PKNOX1: variants seen among roughly 807,000 people sequenced by gnomAD.
PKNOX1 encodes PBX/knotted 1 homeobox 1.
A neutral mutation model predicts 51.9 loss-of-function variants in PKNOX1; 15 were observed. The ratio of observed to expected loss-of-function variants is 0.29; its 90% CI spans 0.19 to 0.45. PKNOX1 has a LOEUF of 0.45. PKNOX1 is among the 20% of genes least tolerant of loss of function. The pLI is 1.00. For synonymous variants in PKNOX1, 219 were observed against 211.1 expected (o/e 1.04, Z -0.32); for missense variants, 462 against 547.5 (o/e 0.84, Z 1.56).
chr21:43,018,469 G>GCCCCCCCCCCCCCCCCCCCC lies in PKNOX1; in HGVS notation c.720+241_720+242insCCCCCCCCCCCCCCCCCCCC, dbSNP rs1382698885. 1.8e-4 allele frequency among the ~76,000 whole-genome samples: 2 copies of GCCCCCCCCCCCCCCCCCCCC among 11,046 alleles called. 1 individual carries two copies. Among genetic ancestry groups the GCCCCCCCCCCCCCCCCCCCC allele is most frequent in the Non-Finnish European group, 3.8e-4 (2 of 5,284 alleles). The allele number at this position is 11,046 out of a possible 152,430, so 7.2% of individuals were successfully genotyped here. On this transcript the variant is annotated intron_variant, in intron 7 of 10. Coordinates refer to ENST00000291547, the MANE Select transcript of PKNOX1 (RefSeq NM_004571.5). The stretch of plus-strand genomic sequence containing the variant: ...AAAAAGTCACTCATAACCACCCCCT[G>GCCCCCCCCCCCCCCCCCCCC]CCACCCACACACACACACACACACA...
chr21:43,027,911 A>G lies in PKNOX1; in HGVS notation c.927-791A>G, dbSNP rs552315050. On this transcript the variant is annotated intron_variant, in intron 9 of 10. Coordinates refer to ENST00000291547, the MANE Select transcript of PKNOX1 (RefSeq NM_004571.5). ...AGCCTGTGCGACAGGGCGAGACTCCATCTCAAAAATACAGAAACAATGTCC... is the reference window on the plus strand; with the variant it reads ...AGCCTGTGCGACAGGGCGAGACTCCGTCTCAAAAATACAGAAACAATGTCC... 1.0e-4 allele frequency among the ~76,000 whole-genome samples: 15 copies of G among 149,976 alleles called. 1 individual carries two copies. The highest frequency in any genetic ancestry group is 3.4e-4 in the African/African-American group (14 of 40,660).
rs1184861365 is a variant in PKNOX1, at chr21:43,030,266, TGTGTGTGTGTGTGTGTGTGTGTGTGTGC to T, written c.*173_*200del. 2.6e-4 allele frequency: 2 copies of T among 7,678 alleles called. No individual in the cohort carries two copies. The highest frequency in any genetic ancestry group is 7.6e-4 in the Non-Finnish European group (2 of 2,642). The allele number at this position is 7,678 out of a possible 1,614,324, so 0.5% of individuals were successfully genotyped here. A position where few individuals can be genotyped will look rare whatever the true frequency, so the allele number is the denominator to read the frequency against. On this transcript the variant is annotated 3_prime_UTR_variant, in exon 11 of 11. Transcript: ENST00000291547. Reference sequence around the variant, plus strand: ...GGTGCAGCGACTTCTTTCAAGTGTGTGTGTGTGTGTGTGTGTGTGTGTGTGTGCGTGTGTGCGTGTGTGTGGATTTTTA... The same window carrying T: ...GGTGCAGCGACTTCTTTCAAGTGTGTGTGTGTGCGTGTGTGTGGATTTTTA...
chr21:43,023,931 T>C (rs947543662), intron 8 of PKNOX1, among the ~76,000 whole-genome samples: 23 of 150,606 alleles, frequency 1.5e-4, no homozygotes, highest in South Asian at 6.3e-4. Flanking sequence ...TTTTTTTTTT[T>C]CCCAGATGGC....
At chr21:42,983,537 A>G (rs1029321344) in intron 1 of PKNOX1, among the ~76,000 whole-genome samples, 10 of 152,136 alleles carry the variant, frequency 6.6e-5, no homozygotes, top group Non-Finnish European at 1.3e-4. Flanking sequence ...CCATCCCTCA[A>G]CAGACACTTG....
intron 3 of PKNOX1, among the ~76,000 whole-genome samples, chr21:43,009,495 G>T (rs923954764): frequency 6.7e-6 from 1 of 149,326 alleles, no homozygotes; most frequent in Non-Finnish European, 1.5e-5. Flanking sequence ...CTGTAGTCCC[G>T]GCTACTTGGG....
At chr21:43,024,666 C>A (rs34731025) in intron 8 of PKNOX1, 1 of 519,120 alleles carries the variant, frequency 1.9e-6, no homozygotes, top group Admixed American at 3.3e-5. Flanking sequence ...TTGGCCTATG[C>A]ACTAACCAGC....
chr21:43,006,041 G>A (rs1978973833), intron 2 of PKNOX1, among the ~76,000 whole-genome samples: 1 of 151,640 alleles, frequency 6.6e-6, no homozygotes, highest in South Asian at 2.1e-4. Context: ...GAACATTTAG[G>A]TTTCTCTCTT....
chr21:42,986,150 A>C (rs1233032480), intron 1 of PKNOX1, among the ~76,000 whole-genome samples: 2 of 152,124 alleles, frequency 1.3e-5, no homozygotes, highest in Non-Finnish European at 2.9e-5. Flanking sequence ...AGGATTTACG[A>C]TCTATGATTT....
chr21:42,980,608 C>G (rs1189521505), intron 1 of PKNOX1, among the ~76,000 whole-genome samples: 4 of 152,002 alleles, frequency 2.6e-5, no homozygotes, highest in Non-Finnish European at 5.9e-5. Context: ...CTTAACAGCA[C>G]TTTAAAGGAA....
intron 8 of PKNOX1, among the ~76,000 whole-genome samples, chr21:43,023,108 C>A (rs1390793312): frequency 6.6e-6 from 1 of 151,976 alleles, no homozygotes; most frequent in African/African-American, 2.4e-5. Context: ...AGCGCCGACC[C>A]CCTGTAGTTT....
At chr21:43,002,075 C>A (rs1978784637) in intron 1 of PKNOX1, among the ~76,000 whole-genome samples, 1 of 152,150 alleles carries the variant, frequency 6.6e-6, no homozygotes, top group Non-Finnish European at 1.5e-5. Context: ...CCAGGCTGAT[C>A]TTGAACTCCT....
At chr21:43,012,120 A>C (rs1568899103) in intron 4 of PKNOX1, among the ~76,000 whole-genome samples, 2 of 152,204 alleles carry the variant, frequency 1.3e-5, no homozygotes, top group African/African-American at 4.8e-5. Context: ...ACGAATTCCT[A>C]CCACCAGATT....
At chr21:42,996,420 C>A (rs1030874625) in intron 1 of PKNOX1, among the ~76,000 whole-genome samples, 6 of 147,266 alleles carry the variant, frequency 4.1e-5, no homozygotes, top group African/African-American at 1.5e-4. Context: ...TCCTCTGGAC[C>A]ATAAACACTC....
intron 1 of PKNOX1, among the ~76,000 whole-genome samples, chr21:42,996,071 C>G (rs1002636736): frequency 6.6e-6 from 1 of 152,060 alleles, no homozygotes; most frequent in Non-Finnish European, 1.5e-5. Flanking sequence ...AAAAATTAGC[C>G]AAGTGTGGTG....
chr21:43,024,714 C>T, intron 8 of PKNOX1, 157 bp from the exon 9 acceptor site: 1 of 605,156 alleles, frequency 1.7e-6, no homozygotes, highest in Non-Finnish European at 3.0e-6. Flanking sequence ...CGAGGAGAAA[C>T]ACTTTGTTCG....
chr21:43,001,259 C>T (rs373857233), intron 1 of PKNOX1, among the ~76,000 whole-genome samples: 12 of 152,342 alleles, frequency 7.9e-5, no homozygotes, highest in South Asian at 6.2e-4. Flanking sequence ...CTGTTGAAAG[C>T]GGTTTCCAGC....
intron 8 of PKNOX1, chr21:43,024,313 C>T (rs1051386078): frequency 6.6e-6 from 1 of 152,262 alleles, no homozygotes; most frequent in Non-Finnish European, 1.5e-5. Context: ...TTTGTAAACA[C>T]TTCATGCCTC....
At chr21:42,994,373 C>T (rs944462821) in intron 1 of PKNOX1, among the ~76,000 whole-genome samples, 23 of 144,442 alleles carry the variant, frequency 1.6e-4, no homozygotes, top group African/African-American at 5.7e-4. Context: ...GGCGGGGTTT[C>T]ACCATGTTGG....
chr21:43,018,524 A>T, intron 7 of PKNOX1, among the ~76,000 whole-genome samples: 1 of 98,004 alleles, frequency 1.0e-5, no homozygotes, highest in Non-Finnish European at 2.0e-5. Flanking sequence ...ACACACACAC[A>T]GAGTTATCCA....
Sources: gnomAD v4.1 joint callset for allele counts (sites outside exome capture counted in the v4.1 genomes callset) on GRCh38, gnomAD v4.1.1 for gene constraint, MANE v1.5 for transcripts, NCBI Gene and HGNC (gene_info 2026-07-23, HGNC 2026-07-21) for gene names.